The following EPC2 variants were observed in gnomAD, a reference collection of about 807,000 sequenced individuals.
EPC2 encodes the protein enhancer of polycomb 2, also known as enhancer of polycomb homolog 2.
Under a neutral mutation model 92.1 loss-of-function variants are expected in EPC2, and 14 were observed. The observed-to-expected ratio is 0.15, with a 90% CI of 0.10 to 0.24. The LOEUF is 0.24. Ranked by LOEUF, EPC2 falls within the 10% of genes least tolerant of loss-of-function variation. The probability of loss-of-function intolerance (pLI) is 1.00; values close to 1 mark genes in which losing one functional copy is unlikely to be tolerated. For missense variants in EPC2, 755 were observed against 971.5 expected, an observed-to-expected ratio of 0.78 and a Z score of 2.96; for synonymous variants, 340 against 334.7, an observed-to-expected ratio of 1.02 and a Z score of -0.17.
intron 1 of EPC2, among the ~76,000 whole-genome samples, chr2:148,661,323 C>T (rs1173069734): frequency 6.6e-6 from 1 of 152,094 alleles, no homozygotes; most frequent in Non-Finnish European, 1.5e-5. Flanking sequence ...AATCTTCTCT[C>T]TCATTATACC....
At chr2:148,733,816 C>T (rs1682696219) in intron 2 of EPC2, among the ~76,000 whole-genome samples, 1 of 152,034 alleles carries the variant, frequency 6.6e-6, no homozygotes, top group Non-Finnish European at 1.5e-5. Flanking sequence ...TTAAAATTAT[C>T]CATTAAAAAT....
intron 1 of EPC2, among the ~76,000 whole-genome samples, chr2:148,657,072 G>A (rs1038066397): frequency 5.3e-5 from 8 of 151,926 alleles, no homozygotes; most frequent in Admixed American, 5.3e-4. Flanking sequence ...TAAGAGAGTT[G>A]AAACAGTTTT....
chr2:148,774,618 T>A (rs945686350), intron 10 of EPC2, among the ~76,000 whole-genome samples: 3 of 110,646 alleles, frequency 2.7e-5, no homozygotes, highest in Admixed American at 1.2e-4. Context: ...AAAAAAAAAA[T>A]ATATTTTATA....
At chr2:148,746,888 T>C (rs1248044746) in intron 3 of EPC2, among the ~76,000 whole-genome samples, 1 of 151,982 alleles carries the variant, frequency 6.6e-6, no homozygotes, top group African/African-American at 2.4e-5. Flanking sequence ...AAGCTAACAA[T>C]ACATGAGTCT....
chr2:148,695,817 G>A (rs1361454141), intron 2 of EPC2, among the ~76,000 whole-genome samples: 1 of 152,168 alleles, frequency 6.6e-6, no homozygotes, highest in African/African-American at 2.4e-5. Flanking sequence ...TCTGTGAAAG[G>A]ACATCACATA....
At chr2:148,698,829 C>CTTTTT (rs56852195) in intron 2 of EPC2, among the ~76,000 whole-genome samples, 1 of 141,048 alleles carries the variant, frequency 7.1e-6, no homozygotes, top group Non-Finnish European at 1.5e-5. Flanking sequence ...ATTTTCTTCC[C>CTTTTT]TTTTTTTTTT....
At chr2:148,770,981 CA>C in intron 9 of EPC2, 44 bp downstream of exon 9, 1 of 1,599,734 alleles carries the variant, frequency 6.3e-7, no homozygotes, top group Non-Finnish European at 8.5e-7. Context: ...CTATCTGGAA[CA>C]GAAGACAAAG....
chr2:148,753,446 G>C (rs1330813776), intron 3 of EPC2, among the ~76,000 whole-genome samples: 1 of 152,128 alleles, frequency 6.6e-6, no homozygotes, highest in Admixed American at 6.6e-5. Flanking sequence ...TCCGAAAGAG[G>C]TATATTATAG....
intron 4 of EPC2, among the ~76,000 whole-genome samples, chr2:148,755,843 T>G (rs1683179058): frequency 6.6e-6 from 1 of 152,200 alleles, no homozygotes; most frequent in South Asian, 2.1e-4. Flanking sequence ...CCTCCCGCCT[T>G]GGCCTCCCAA....
chr2:148,670,565 G>A (rs1272179517), intron 1 of EPC2, among the ~76,000 whole-genome samples: 2 of 151,846 alleles, frequency 1.3e-5, no homozygotes, highest in Admixed American at 6.6e-5. Flanking sequence ...TGTATTCCCC[G>A]TTGGGTTCTT....
intron 2 of EPC2, among the ~76,000 whole-genome samples, chr2:148,706,605 G>A (rs569367144): frequency 2.4e-4 from 36 of 152,194 alleles, no homozygotes; most frequent in African/African-American, 4.6e-4. Flanking sequence ...GAGAAAGGTC[G>A]GGTTACTCAC....
intron 2 of EPC2, among the ~76,000 whole-genome samples, chr2:148,715,129 G>C (rs542139258): frequency 6.8e-6 from 1 of 146,328 alleles, no homozygotes; most frequent in Non-Finnish European, 1.5e-5. Context: ...CGCCTCCCAG[G>C]TTCACACCAT....
At chr2:148,742,084 G>A (rs1210757043) in intron 2 of EPC2, among the ~76,000 whole-genome samples, 1 of 152,020 alleles carries the variant, frequency 6.6e-6, no homozygotes, top group Admixed American at 6.5e-5. Flanking sequence ...CAGACCTTCA[G>A]TCTATATATT....
intron 12 of EPC2, among the ~76,000 whole-genome samples, chr2:148,784,064 A>G (rs951227932): frequency 1.3e-5 from 2 of 152,180 alleles, no homozygotes; most frequent in African/African-American, 4.8e-5. Context: ...TCCCCATTGA[A>G]TCATGCATGC....
At chr2:148,721,225 A>G (rs1269722105) in intron 2 of EPC2, among the ~76,000 whole-genome samples, 1 of 152,196 alleles carries the variant, frequency 6.6e-6, no homozygotes, top group African/African-American at 2.4e-5. Flanking sequence ...TCTACTGGCA[A>G]CAAAGTCCTC....
intron 3 of EPC2, among the ~76,000 whole-genome samples, chr2:148,753,051 A>G (rs1185926254): frequency 1.3e-5 from 2 of 152,182 alleles, no homozygotes; most frequent in Admixed American, 1.3e-4. Context: ...ATCTTTTTCT[A>G]ATGTTTGCTG....
intron 1 of EPC2, among the ~76,000 whole-genome samples, chr2:148,669,338 G>A (rs574095769): frequency 6.6e-6 from 1 of 152,120 alleles, no homozygotes; most frequent in East Asian, 1.9e-4. Context: ...GGATATTTTT[G>A]TATTCCTATA....
chr2:148,682,876 C>G (rs945978348), intron 1 of EPC2, among the ~76,000 whole-genome samples: 1 of 152,132 alleles, frequency 6.6e-6, no homozygotes, highest in African/African-American at 2.4e-5. Flanking sequence ...CTCTCTGCTA[C>G]TCCCATTCTT....
rs1458405049 is a variant in EPC2, at chr2:148,719,756, A to G, written c.314-23866A>G. On this transcript the variant is annotated intron_variant, in intron 2 of 13. Transcript: ENST00000258484. ...AGCAACAGTTTGGCCTCTTTTTGTTAGAGCAGCTGTGCTGTGTTGGTGATC... is the reference window on the plus strand; with the variant it reads ...AGCAACAGTTTGGCCTCTTTTTGTTGGAGCAGCTGTGCTGTGTTGGTGATC... Among the ~76,000 whole-genome samples the G allele has an allele frequency of 3.9e-5, 6 of 152,340 alleles. No individual in the cohort carries two copies. The East Asian group carries it at 1.2e-3, about 29-fold the overall frequency.
Sources: gnomAD v4.1 joint callset for allele counts (sites outside exome capture counted in the v4.1 genomes callset) on GRCh38, gnomAD v4.1.1 for gene constraint, MANE v1.5 for transcripts, NCBI Gene and HGNC (gene_info 2026-07-23, HGNC 2026-07-21) for gene names.